The following PHF20 variants were observed in gnomAD, a reference collection of about 807,000 sequenced individuals.
The protein encoded by PHF20 is glioma-expressed antigen 2.
In PHF20, 23 loss-of-function variants were observed where a neutral mutation model predicts 113.5. The ratio of observed to expected loss-of-function variants is 0.20; its 90% CI spans 0.15 to 0.29. The LOEUF is 0.29. Ranked by LOEUF, PHF20 falls within the 10% of genes least tolerant of loss-of-function variation. PHF20 has a pLI of 1.00. For synonymous variants in PHF20, 434 were observed against 457.3 expected (o/e 0.95, Z 0.65); for missense variants, 943 against 1,219.6 (o/e 0.77, Z 3.38).
Position 35,947,151 on chromosome 20 carries a change from C to A in PHF20, c.2897-334C>A, listed in dbSNP as rs914555175. ...AATTTAAAATTCAGTTCCTCAGTTG[C>A]ATTAGCCATGTTTCCAGCGCTCAAT... On this transcript the variant is annotated intron_variant, in intron 17 of 17. Coordinates refer to ENST00000374012, the MANE Select transcript of PHF20 (RefSeq NM_016436.5). Among the ~76,000 whole-genome samples, 4 of 152,320 alleles carry A rather than the reference C, an allele frequency of 2.6e-5. No homozygotes were observed. The South Asian group carries it at 6.2e-4, about 24-fold the overall frequency.
rs1380027472 is a variant in PHF20, at chr20:35,938,773, A to G, written c.2377A>G (p.Arg793Gly). 6.2e-7 allele frequency: 1 copy of G among 1,614,046 alleles called. No homozygotes were observed. Among genetic ancestry groups the G allele is most frequent in the Non-Finnish European group, 8.5e-7 (1 of 1,180,010 alleles). Residue 793 changes from arginine (R) to glycine (G), a missense_variant, in exon 16 of 18, where the codon AGA (arginine) becomes GGA (glycine). Coordinates refer to ENST00000374012, the MANE Select transcript of PHF20 (RefSeq NM_016436.5). ...CTCAGGGGAGGGGAGATCTCATTTCAGAAACATCCCTGTCACTGACACCAG... is the reference window on the plus strand; with the variant it reads ...CTCAGGGGAGGGGAGATCTCATTTCGGAAACATCCCTGTCACTGACACCAG... ...QHSGEGRSHF[R>G]NIPVTDTRSK...
At chr20:35,808,851 C>T (rs1704948486) in intron 2 of PHF20, among the ~76,000 whole-genome samples, 2 of 151,666 alleles carry the variant, frequency 1.3e-5, no homozygotes, top group South Asian at 2.1e-4. Flanking sequence ...GGATTACAGG[C>T]GTGAGCCACC....
intron 1 of PHF20, among the ~76,000 whole-genome samples, chr20:35,775,485 G>A (rs1270091061): frequency 2.6e-5 from 4 of 152,000 alleles, no homozygotes; most frequent in African/African-American, 9.7e-5. Context: ...GGCTGGGCAC[G>A]GTGGCTCATG....
chr20:35,824,654 A>G (rs1310668030), intron 2 of PHF20, among the ~76,000 whole-genome samples: 2 of 152,144 alleles, frequency 1.3e-5, no homozygotes, highest in Non-Finnish European at 2.9e-5. Context: ...TCAATAATTC[A>G]ATGGTTTTCA....
intron 1 of PHF20, chr20:35,782,240 C>G (rs2041313212): frequency 1.3e-5 from 2 of 150,276 alleles, no homozygotes; most frequent in Admixed American, 1.4e-4. Flanking sequence ...ATTAAAGAGG[C>G]CACTTTTCTT....
At position 35,871,052 on chromosome 20, in the gene PHF20, A is replaced by G; in HGVS notation, c.1020A>G (p.Leu340=). The change falls in exon 8 of 18, where the codon CTA becomes CTG. Residue 340 remains leucine, a synonymous_variant. Transcript: ENST00000374012. ...RLSTNGTHEI[L]DPDLVVSDLV... The stretch of plus-strand genomic sequence containing the variant: ...CCACTAATGGGACCCATGAGATCCT[A>G]GATCCTGACTTGGTTGTATCAGATT... The G allele has an allele frequency of 6.2e-7, 1 of 1,613,576 alleles. No homozygotes were observed. Among genetic ancestry groups the G allele is most frequent in the South Asian group, 1.1e-5 (1 of 90,910 alleles).
At chr20:35,915,352 T>A (rs545061254) in intron 12 of PHF20, among the ~76,000 whole-genome samples, 40 of 150,804 alleles carry the variant, frequency 2.7e-4, no homozygotes, top group African/African-American at 5.1e-4. Flanking sequence ...TATTTTAAAA[T>A]ATATATATAT....
intron 2 of PHF20, among the ~76,000 whole-genome samples, chr20:35,802,484 C>T (rs2041798326): frequency 6.6e-6 from 1 of 152,198 alleles, no homozygotes; most frequent in South Asian, 2.1e-4. Context: ...TGTGTGCCAC[C>T]ATGCCTGGCT....
intron 4 of PHF20, among the ~76,000 whole-genome samples, chr20:35,853,808 G>C (rs2042781840): frequency 6.6e-6 from 1 of 150,476 alleles, no homozygotes; most frequent in Admixed American, 6.6e-5. Context: ...AGGCTGGAGT[G>C]CAGTGGCGCG....
chr20:35,873,458 GT>G (rs1400135809), intron 9 of PHF20, among the ~76,000 whole-genome samples: 2 of 114,570 alleles, frequency 1.7e-5, no homozygotes, highest in Admixed American at 8.8e-5. Context: ...TGTTTTGTCT[GT>G]TTTTTTGTTT....
intron 2 of PHF20, among the ~76,000 whole-genome samples, chr20:35,804,021 T>C (rs925788341): frequency 6.6e-6 from 1 of 151,988 alleles, no homozygotes; most frequent in East Asian, 1.9e-4. Flanking sequence ...TAGAGTTTTA[T>C]TGTATGAATA....
intron 10 of PHF20, among the ~76,000 whole-genome samples, chr20:35,910,003 G>A (rs965185682): frequency 6.6e-6 from 1 of 152,192 alleles, no homozygotes; most frequent in Non-Finnish European, 1.5e-5. Context: ...AGATATTTGT[G>A]GTTTCCTTGC....
At chr20:35,854,461 TTA>T (rs887311639) in intron 4 of PHF20, among the ~76,000 whole-genome samples, 2 of 152,206 alleles carry the variant, frequency 1.3e-5, no homozygotes, top group African/African-American at 2.4e-5. Context: ...GAGAACTCTA[TTA>T]TTAGCTACCT....
intron 9 of PHF20, among the ~76,000 whole-genome samples, chr20:35,881,994 T>C (rs1054330380): frequency 3.3e-5 from 5 of 152,266 alleles, no homozygotes; most frequent in African/African-American, 1.2e-4. Context: ...TTGCAAACTA[T>C]ATTTTTGCTG....
At position 35,801,574 on chromosome 20, in the gene PHF20, C is replaced by G; in HGVS notation, c.52C>G (p.Gln18Glu). 1 of 1,613,598 alleles carries G rather than the reference C, an allele frequency of 6.2e-7. No homozygotes were observed. The highest frequency in any genetic ancestry group is 8.5e-7 in the Non-Finnish European group (1 of 1,179,624). ...RRGISFEVGA[Q>E]LEARDRLKNW... is the part of the protein sequence containing the mutation. ...AGGAATCAGCTTTGAAGTGGGAGCC[C>G]AGTTGGAAGCCCGGGACCGTTTAAA... The change falls in exon 2 of 18, where the codon CAG becomes GAG. Residue 18 changes from glutamine to glutamate, a missense_variant. Transcript: ENST00000374012.
chr20:35,825,962 G>T (rs1246124814), intron 2 of PHF20, among the ~76,000 whole-genome samples: 4 of 152,012 alleles, frequency 2.6e-5, no homozygotes, highest in African/African-American at 9.7e-5. Context: ...GACCATTATG[G>T]GCACTCCGGA....
intron 9 of PHF20, among the ~76,000 whole-genome samples, chr20:35,872,172 C>CT (rs113468756): frequency 0.18 from 25,917 of 147,402 alleles, 2,435 homozygotes; most frequent in South Asian, 0.35. Flanking sequence ...ATCTTTCTTC[C>CT]TTTTTTTTTT....
In PHF20 at chr20:35,863,028, G is replaced by A; in HGVS notation, c.436G>A (p.Ala146Thr). The A allele has an allele frequency of 6.3e-7, 1 of 1,585,944 alleles. No homozygotes were observed. The highest frequency in any genetic ancestry group is 8.5e-7 in the Non-Finnish European group (1 of 1,171,834). The change falls in exon 6 of 18, where the codon GCT becomes ACT. Residue 146 changes from alanine to threonine, a missense_variant. By Grantham distance (58) the Ala-to-Thr change is moderately conservative (BLOSUM62 0). Around this residue, in one of 3 missense-constraint regions of PHF20, gnomAD observed 592 missense variants for 787.2 expected, o/e 0.75. Transcript: ENST00000374012. ...CTCATTTTAGAATATTGTGGGTAAT[G>A]CTAGGCCTAAAGAAACAGATCACAA... ...FSKDQNIVGN[A>T]RPKETDHKSL...
At chr20:35,932,053 G>A (rs2055766891) in intron 15 of PHF20, among the ~76,000 whole-genome samples, 1 of 150,196 alleles carries the variant, frequency 6.7e-6, no homozygotes. Flanking sequence ...TTTTTGTTTT[G>A]GCATACAGTT....
Sources: gnomAD v4.1 joint callset for allele counts (sites outside exome capture counted in the v4.1 genomes callset) on GRCh38, gnomAD v4.1.1 for gene constraint, gnomAD v4.1.1 regional missense constraint, MANE v1.5 for transcripts, NCBI Gene and HGNC (gene_info 2026-07-23, HGNC 2026-07-21) for gene names.